MXRA5: variants seen among roughly 807,000 people sequenced by gnomAD.
The protein encoded by MXRA5 is matrix-remodeling-associated protein 5.
A neutral mutation model predicts 112.5 loss-of-function variants in MXRA5; 41 were observed. The observed-to-expected ratio is 0.36, with a 90% CI of 0.28 to 0.47. The LOEUF is 0.47. MXRA5 is among the 20% of genes least tolerant of loss of function. The pLI is 0.99. For missense variants in MXRA5, 2,150 were observed against 2,251.0 expected (o/e 0.96, Z 0.91); for synonymous variants, 862 against 900.8 (o/e 0.96, Z 0.77).
intron 2 of MXRA5, among the ~76,000 whole-genome samples, chrX:3,335,566 C>T (rs1921767395): frequency 8.9e-6 from 1 of 112,097 alleles, no homozygotes; most frequent in Admixed American, 9.5e-5. Context: ...ATTTAGCACA[C>T]AAGAGAGGGC....
intron 4 of MXRA5, among the ~76,000 whole-genome samples, chrX:3,327,970 A>C (rs1459194725): frequency 1.8e-5 from 2 of 113,071 alleles, no homozygotes; most frequent in Non-Finnish European, 3.7e-5. Context: ...TCCAGACAGT[A>C]GCAGAGATGG....
chrX:3,326,314 T>A (rs1367456479), intron 4 of MXRA5, among the ~76,000 whole-genome samples: 3 of 85,962 alleles, frequency 3.5e-5, no homozygotes, highest in African/African-American at 1.3e-4. Flanking sequence ...ATATATAATT[T>A]GTATATAATC....
chrX:3,329,187 AAT>A (rs1395459293), intron 4 of MXRA5, among the ~76,000 whole-genome samples: 6 of 89,422 alleles, frequency 6.7e-5, no homozygotes, highest in East Asian at 3.7e-4. Context: ...GGAAGGAAAA[AAT>A]GAAAGAAGGA....
rs1921085820 is a variant in MXRA5 at position 3,315,399 on chromosome X, A to AGATAGAT, written c.6578+1697_6578+1703dup. 5.4e-4 allele frequency among the ~76,000 whole-genome samples: 27 copies of AGATAGAT among 50,420 alleles called. 1 individual carries two copies. The highest frequency in any genetic ancestry group is 1.9e-3 in the African/African-American group (27 of 14,006). 43.8% of individuals were successfully genotyped at this position (50,420 alleles called of 115,157 possible). A position where few individuals can be genotyped will look rare whatever the true frequency, so the allele number is the denominator to read the frequency against. ...ATAGATAGATAGATAGATGATAGAT[A>AGATAGAT]GATAGATAGATAGATAGATAGAACC... On this transcript the variant is annotated intron_variant, in intron 6 of 6. Transcript: ENST00000217939.
rs1444106990 is a variant in MXRA5 at position 3,316,279 on chromosome X, A to G, written c.6578+824T>C. 2.2e-4 allele frequency among the ~76,000 whole-genome samples: 20 copies of G among 91,816 alleles called. 1 individual carries two copies. Among genetic ancestry groups the G allele is most frequent in the Non-Finnish European group, 4.2e-5 (2 of 47,623 alleles). The allele number at this position is 91,816 out of a possible 115,157, so 79.7% of individuals were successfully genotyped here. On this transcript the variant is annotated intron_variant, in intron 6 of 6. Coordinates refer to ENST00000217939, the MANE Select transcript of MXRA5 (RefSeq NM_015419.4). ...CAGTGAGCCAAGATAGTGCCACTGCACTCCAGCCTGGGCCACAGAGCGAGA... is the reference window on the plus strand; with the variant it reads ...CAGTGAGCCAAGATAGTGCCACTGCGCTCCAGCCTGGGCCACAGAGCGAGA...
chrX:3,338,343 T>G (rs1289997363), intron 2 of MXRA5, among the ~76,000 whole-genome samples: 2 of 109,459 alleles, frequency 1.8e-5, no homozygotes, highest in African/African-American at 7.0e-5. Flanking sequence ...AGATAGATGA[T>G]AGATAGATAG....
At chrX:3,328,320 A>G (rs1192272398) in intron 4 of MXRA5, among the ~76,000 whole-genome samples, 1 of 112,372 alleles carries the variant, frequency 8.9e-6, no homozygotes, top group Non-Finnish European at 1.9e-5. Context: ...TAAGTTTAGA[A>G]GCTGCAAGGA....
chrX:3,342,972 T>C, intron 2 of MXRA5, among the ~76,000 whole-genome samples: 1 of 112,386 alleles, frequency 8.9e-6, no homozygotes, highest in Non-Finnish European at 1.9e-5. Context: ...TGCTAAAAAG[T>C]AGCTATTATA....
At position 3,310,567 on chromosome X, in the gene MXRA5, C is replaced by G. The variant is rs778756027; in HGVS notation, c.7636G>C (p.Asp2546His). 2 of 1,133,382 alleles carry G rather than the reference C, an allele frequency of 1.8e-6. No homozygotes were observed. The highest frequency in any genetic ancestry group is 2.4e-6 in the Non-Finnish European group (2 of 842,843). The allele number at this position is 1,133,382 out of a possible 1,213,427, so 93.4% of individuals were successfully genotyped here. A position where few individuals can be genotyped will look rare whatever the true frequency, so the allele number is the denominator to read the frequency against. Residue 2546 changes from aspartate (D) to histidine (H), a missense_variant, in exon 7 of 7, where the codon GAC (aspartate) becomes CAC (histidine). Physicochemically the swap from Asp to His is moderately conservative, Grantham distance 81 (BLOSUM62 -1). Transcript: ENST00000217939. ...LEPMEKPIFH[D>H]PISEKITAMA... ...GCCGTGATCTTCTCGCTGATCGGGT[C>G]GTGGAAGATGGGTTTCTCCATGGGC...
rs1315344774 is a variant in MXRA5, at chrX:3,340,995, A to G, written c.188+2651T>C. Among the ~76,000 whole-genome samples, 160 of 80,430 alleles carry G rather than the reference A, an allele frequency of 2.0e-3. 1 individual carries two copies. The highest frequency in any genetic ancestry group is 3.4e-3 in the Non-Finnish European group (145 of 42,335). 69.8% of individuals were successfully genotyped at this position (80,430 alleles called of 115,157 possible). The stretch of plus-strand genomic sequence containing the variant: ...GTATAATAGATATATATTATATATC[A>G]TGTATAATATATATTATACATGATA... On this transcript the variant is annotated intron_variant, in intron 2 of 6. Transcript: ENST00000217939.
intron 6 of MXRA5, among the ~76,000 whole-genome samples, chrX:3,315,283 T>C (rs1181697443): frequency 1.0e-5 from 1 of 97,860 alleles, no homozygotes; most frequent in South Asian, 4.9e-4. Flanking sequence ...ACCACTGCCA[T>C]AGATGATGGA....
At chrX:3,344,992 G>A (rs1922073772) in intron 1 of MXRA5, among the ~76,000 whole-genome samples, 1 of 110,964 alleles carries the variant, frequency 9.0e-6, no homozygotes, top group African/African-American at 3.3e-5. Flanking sequence ...AATTAGCTGG[G>A]CGTGGTGGCG....
intron 6 of MXRA5, among the ~76,000 whole-genome samples, chrX:3,315,388 AGAT>A (rs370551341): frequency 0.013 from 318 of 24,240 alleles, 54 homozygotes; most frequent in African/African-American, 0.079. Context: ...ATAGATAGAT[AGAT>A]GATAGATAGA....
chrX:3,330,587 T>G, intron 3 of MXRA5, 57 bp downstream of exon 3: 1 of 1,178,077 alleles, frequency 8.5e-7, no homozygotes, highest in Non-Finnish European at 1.1e-6. Context: ...TTTCTATTCT[T>G]TATTACTGGT....
At position 3,324,657 on chromosome X, in the gene MXRA5, T is replaced by A. The variant is rs1921411656; in HGVS notation, c.1028A>T (p.Tyr343Phe). ...ATCCGTTTGGTTCAAGTGAATCTTG[T>A]ACACATCCATTGGTTTCTTGATGTC... The part of the protein sequence containing the change: ...VCDIKKPMDV[Y>F]KIHLNQTDPP... Residue 343 changes from tyrosine to phenylalanine, a missense_variant, in exon 5 of 7, where the codon TAC (tyrosine) becomes TTC (phenylalanine). Coordinates refer to ENST00000217939, the MANE Select transcript of MXRA5 (RefSeq NM_015419.4). 8.3e-7 allele frequency: 1 copy of A among 1,209,212 alleles called. No homozygotes were observed. Among genetic ancestry groups the A allele is most frequent in the Non-Finnish European group, 1.1e-6 (1 of 894,484 alleles).
chrX:3,341,107 TA>T (rs1283729172), intron 2 of MXRA5, among the ~76,000 whole-genome samples: 1 of 69,924 alleles, frequency 1.4e-5, no homozygotes, highest in East Asian at 4.2e-4. Context: ...ATACATAATA[TA>T]ATATAATATA....
chrX:3,340,683 T>G (rs890599789), intron 2 of MXRA5, among the ~76,000 whole-genome samples: 1 of 110,203 alleles, frequency 9.1e-6, no homozygotes, highest in Non-Finnish European at 1.9e-5. Context: ...AGAAATGGTG[T>G]TGTAATTTAG....
intron 6 of MXRA5, among the ~76,000 whole-genome samples, chrX:3,316,318 AT>A (rs1921130471): frequency 7.5e-5 from 1 of 13,358 alleles, no homozygotes; most frequent in Non-Finnish European, 1.2e-4. Context: ...CGTCTCAAAA[AT>A]AAATAAATAA....
In MXRA5 at chrX:3,316,270, TGC is replaced by T. The variant is rs1921126249; in HGVS notation, c.6578+831_6578+832del. On this transcript the variant is annotated intron_variant, in intron 6 of 6. Transcript: ENST00000217939. ...CGGAGCTTGCAGTGAGCCAAGATAG[TGC>T]CACTGCACTCCAGCCTGGGCCACAG... Among the ~76,000 whole-genome samples the T allele has an allele frequency of 4.5e-5, 4 of 88,970 alleles. No homozygotes were observed. In the South Asian group the frequency reaches 2.3e-3, roughly 51 times the overall value. The allele number at this position is 88,970 out of a possible 115,157, so 77.3% of individuals were successfully genotyped here.
Sources: allele counts gnomAD v4.1 joint callset (sites outside exome capture counted in the v4.1 genomes callset), GRCh38; gene constraint gnomAD v4.1.1; transcripts MANE v1.5; gene names NCBI Gene and HGNC (gene_info 2026-07-23, HGNC 2026-07-21).